The following AGBL1 variants were observed in gnomAD, a reference collection of about 807,000 sequenced individuals.
AGBL1 encodes the protein AGBL carboxypeptidase 1, also known as cytosolic carboxypeptidase 4.
In AGBL1, 130 loss-of-function variants were observed where a neutral mutation model predicts 118.9. The observed-to-expected ratio is 1.09, with a 90% CI of 0.95 to 1.26. The LOEUF is 1.26. AGBL1 is among the 50% of genes most tolerant of loss of function. The pLI is 0.00. For synonymous variants in AGBL1, 555 were observed against 478.9 expected (o/e 1.16, Z -2.08); for missense variants, 1,584 against 1,298.1 (o/e 1.22, Z -3.38).
intron 23 of AGBL1, among the ~76,000 whole-genome samples, chr15:86,970,120 T>C (rs1207197023): frequency 6.6e-6 from 1 of 151,856 alleles, no homozygotes. Flanking sequence ...TATTCTGTCT[T>C]TCAATTGCGG....
chr15:86,470,536 C>T (rs548756753), intron 18 of AGBL1, among the ~76,000 whole-genome samples: 3 of 152,084 alleles, frequency 2.0e-5, no homozygotes, highest in Non-Finnish European at 4.4e-5. Flanking sequence ...TTTGTGGTTC[C>T]ATATGTATTT....
chr15:86,921,198 G>A (rs529282513), intron 23 of AGBL1, among the ~76,000 whole-genome samples: 2 of 152,302 alleles, frequency 1.3e-5, no homozygotes, highest in Admixed American at 1.3e-4. Flanking sequence ...TCTGTGATTG[G>A]TTAAGCAGAC....
chr15:86,903,973 C>T (rs2080246714), intron 22 of AGBL1, among the ~76,000 whole-genome samples: 1 of 134,946 alleles, frequency 7.4e-6, no homozygotes, highest in South Asian at 2.3e-4. Flanking sequence ...AGTCTTGGCT[C>T]CCGCATGAGG....
chr15:86,595,752 T>A (rs1387407414), intron 21 of AGBL1, among the ~76,000 whole-genome samples: 2 of 152,094 alleles, frequency 1.3e-5, no homozygotes, highest in Admixed American at 1.3e-4. Context: ...GTGATAGATA[T>A]GAGTTTTTTA....
At chr15:86,827,319 ACACACATATATATATATATGTG>A (rs1567194260) in intron 22 of AGBL1, among the ~76,000 whole-genome samples, 1,211 of 9,924 alleles carry the variant, frequency 0.12, 388 homozygotes, top group African/African-American at 0.29. Flanking sequence ...ATATATATAC[ACACACATATATATATATATGTG>A]TATATATATA....
rs144940487 is a variant in AGBL1 at position 86,269,738 on chromosome 15, T to C, written c.1839-181T>C. 2.0e-4 allele frequency among the ~76,000 whole-genome samples: 30 copies of C among 152,342 alleles called. No homozygotes were observed. In the East Asian group the frequency reaches 3.1e-3, roughly 16 times the overall value. ...ATACTAGGAAGCCCCCTCACCTCCA[T>C]GAATTTCCAAAATCTGTACCCAATA... On this transcript the variant is annotated intron_variant, in intron 13 of 22. Transcript: ENST00000614907.
chr15:86,720,188 C>G (rs991068591), intron 22 of AGBL1, among the ~76,000 whole-genome samples: 1 of 152,220 alleles, frequency 6.6e-6, no homozygotes, highest in African/African-American at 2.4e-5. Context: ...GCTTGGATAA[C>G]TCAGACTTAA....
chr15:86,319,350 G>A (rs2080067945), intron 17 of AGBL1, among the ~76,000 whole-genome samples: 1 of 152,160 alleles, frequency 6.6e-6, no homozygotes, highest in African/African-American at 2.4e-5. Flanking sequence ...CCAGTCCAAT[G>A]AGTATGTGAT....
intron 1 of AGBL1, among the ~76,000 whole-genome samples, chr15:86,134,500 C>A (rs1447565975): frequency 1.3e-5 from 2 of 151,766 alleles, no homozygotes; most frequent in African/African-American, 4.8e-5. Context: ...CTGTTTTTTT[C>A]CCAGTCTAGT....
intron 22 of AGBL1, among the ~76,000 whole-genome samples, chr15:86,692,633 T>G (rs75921300): frequency 1.3e-5 from 2 of 152,156 alleles, no homozygotes; most frequent in East Asian, 3.9e-4. Flanking sequence ...CCATTGATTT[T>G]GGAGGGAACA....
chr15:86,377,593 CA>C (rs2081057644), intron 17 of AGBL1, among the ~76,000 whole-genome samples: 4 of 152,296 alleles, frequency 2.6e-5, no homozygotes, highest in Admixed American at 2.6e-4. Context: ...TCTCTCATTA[CA>C]TTTTGTGTTA....
rs538283227 is a variant in AGBL1, at chr15:87,020,225, A to T, written c.3324-8600A>T. Among the ~76,000 whole-genome samples, 3 of 152,066 alleles carry T rather than the reference A, an allele frequency of 2.0e-5. No individual in the cohort carries two copies. The East Asian group carries it at 5.8e-4, about 29-fold the overall frequency. On this transcript the variant is annotated intron_variant, in intron 24 of 24. Transcript: ENST00000441037. Reference sequence around the variant, plus strand: ...CAATTTACACTGAATGTCATTGATCACATAAACAGAACTAAAGACAAAAAT... The same window carrying T: ...CAATTTACACTGAATGTCATTGATCTCATAAACAGAACTAAAGACAAAAAT...
intron 22 of AGBL1, among the ~76,000 whole-genome samples, chr15:86,782,570 G>C (rs1353148935): frequency 6.6e-6 from 1 of 152,094 alleles, no homozygotes; most frequent in Non-Finnish European, 1.5e-5. Flanking sequence ...GAGACTGGTG[G>C]TTAGACACAA....
At chr15:86,556,342 C>A in intron 21 of AGBL1, 1 of 1,445,130 alleles carries the variant, frequency 6.9e-7, no homozygotes, top group Non-Finnish European at 9.7e-7. Context: ...CATTGGGTCA[C>A]TAGAAGGAAT....
chr15:86,868,246 G>T (rs934709593), intron 22 of AGBL1, among the ~76,000 whole-genome samples: 3 of 152,166 alleles, frequency 2.0e-5, no homozygotes, highest in African/African-American at 7.2e-5. Flanking sequence ...TTGGTTTAAT[G>T]GGTCACAAGA....
chr15:86,902,989 A>G (rs977876629), intron 22 of AGBL1, among the ~76,000 whole-genome samples: 6 of 151,992 alleles, frequency 3.9e-5, no homozygotes, highest in African/African-American at 1.5e-4. Flanking sequence ...ATTTCTTTGG[A>G]TACCTTCACA....
intron 19 of AGBL1, among the ~76,000 whole-genome samples, chr15:86,535,141 G>C (rs1567044685): frequency 2.0e-5 from 3 of 152,214 alleles, no homozygotes; most frequent in African/African-American, 7.2e-5. Flanking sequence ...GTGAGCCAAG[G>C]AAAACAGTTT....
At chr15:86,445,089 C>A (rs887446636) in intron 18 of AGBL1, among the ~76,000 whole-genome samples, 1 of 152,148 alleles carries the variant, frequency 6.6e-6, no homozygotes, top group Admixed American at 6.5e-5. Context: ...GTGCATCTTC[C>A]TATCTGCTTC....
chr15:86,128,688 C>T (rs1941952307), intron 1 of AGBL1, among the ~76,000 whole-genome samples: 1 of 152,034 alleles, frequency 6.6e-6, no homozygotes, highest in Non-Finnish European at 1.5e-5. Flanking sequence ...GCTAACTTAC[C>T]TATGTTCCCT....
Sources: gnomAD v4.1 joint callset for allele counts (sites outside exome capture counted in the v4.1 genomes callset) on GRCh38, gnomAD v4.1.1 for gene constraint, MANE v1.5 for transcripts, NCBI Gene and HGNC (gene_info 2026-07-23, HGNC 2026-07-21) for gene names.